The following WDR17 variants were observed in gnomAD, a reference collection of about 807,000 sequenced individuals.
WDR17 encodes WD repeat domain 17, also known as WD repeat-containing protein 17.
A neutral mutation model predicts 161.7 loss-of-function variants in WDR17; 143 were observed. That is an observed-to-expected ratio of 0.88 (90% CI 0.77 to 1.02). WDR17 has a LOEUF of 1.02. WDR17 is among the 50% of genes least tolerant of loss of function. The pLI is 0.00. For synonymous variants in WDR17, 517 were observed against 515.6 expected, an observed-to-expected ratio of 1.00 and a Z score of -0.04; for missense variants, 1,469 against 1,520.9, an observed-to-expected ratio of 0.97 and a Z score of 0.57.
At chr4:176,161,142 C>T in intron 20 of WDR17, 140 bp downstream of exon 20, 1 of 550,676 alleles carries the variant, frequency 1.8e-6, no homozygotes, top group Non-Finnish European at 3.0e-6. Flanking sequence ...TGATCCAGTT[C>T]CATACAGCAT....
chr4:176,122,950 A>G (rs563967936), intron 4 of WDR17, among the ~76,000 whole-genome samples: 1 of 152,300 alleles, frequency 6.6e-6, no homozygotes, highest in Admixed American at 6.5e-5. Context: ...TCTCCCTTTC[A>G]GCCTGAAAAG....
chr4:176,079,170 A>G (rs1243635578), intron 1 of WDR17, among the ~76,000 whole-genome samples: 1 of 152,120 alleles, frequency 6.6e-6, no homozygotes, highest in African/African-American at 2.4e-5. Flanking sequence ...CATGTCTTCC[A>G]GGCTTATCTA....
intron 18 of WDR17, among the ~76,000 whole-genome samples, chr4:176,157,523 T>C (rs1748344718): frequency 6.6e-6 from 1 of 152,194 alleles, no homozygotes; most frequent in African/African-American, 2.4e-5. Flanking sequence ...CCCAGTGCTG[T>C]AAGTCCCTGT....
chr4:176,176,216 T>G (rs191797649), intron 26 of WDR17, among the ~76,000 whole-genome samples: 1 of 152,282 alleles, frequency 6.6e-6, no homozygotes, highest in African/African-American at 2.4e-5. Context: ...AAAGAACGGT[T>G]TTTATTTGCA....
In WDR17 at chr4:176,146,137, C is replaced by T. The variant is rs1240251169; in HGVS notation, c.1672C>T (p.Leu558Phe). 1 of 1,613,430 alleles carries T rather than the reference C, an allele frequency of 6.2e-7. No homozygotes were observed. Among genetic ancestry groups the T allele is most frequent in the Admixed American group, 1.7e-5 (1 of 59,988 alleles). Residue 558 changes from leucine to phenylalanine, a missense_variant, in exon 12 of 29, where the codon CTT becomes TTT. Transcript: ENST00000508596. ...ATGGTCTCCTCTGAGAGAGGGAATT[C>T]TTTGCAGTGGTTCTGATGATGGGTA... Reference protein sequence around the residue: ...VKWSPLREGILCSGSDDGTVR... With the variant: ...VKWSPLREGIFCSGSDDGTVR...
At chr4:176,131,216 A>G (rs1277764146) in intron 6 of WDR17, among the ~76,000 whole-genome samples, 1 of 152,124 alleles carries the variant, frequency 6.6e-6, no homozygotes, top group Non-Finnish European at 1.5e-5. Context: ...GGAATAAGCT[A>G]TTATGTCAGT....
At chr4:176,142,232 T>A (rs1745392693) in intron 11 of WDR17, among the ~76,000 whole-genome samples, 163 bp downstream of exon 11, 1 of 152,244 alleles carries the variant, frequency 6.6e-6, no homozygotes, top group African/African-American at 2.4e-5. Flanking sequence ...CTCATTTATT[T>A]TAGTTATTTT....
intron 28 of WDR17, 95 bp from the exon 29 acceptor site, chr4:176,179,365 T>C (rs1053287174): frequency 1.5e-6 from 1 of 682,504 alleles, no homozygotes; most frequent in South Asian, 4.3e-5. Context: ...AAATATTATG[T>C]TTTTTTTTAT....
intron 2 of WDR17, among the ~76,000 whole-genome samples, chr4:176,113,122 A>G (rs1396572754): frequency 6.6e-6 from 1 of 151,650 alleles, no homozygotes; most frequent in Admixed American, 6.6e-5. Context: ...CAGCAGCAAG[A>G]CTTCTAAATG....
At position 176,124,965 on chromosome 4, in the gene WDR17, G is replaced by A. The variant is rs145669680; in HGVS notation, c.539-139G>A. ...CTTTCTGCATTCACATGTCAGTTAC[G>A]CCTTCTGCATATAAGCACCACATTT... On this transcript the variant is annotated intron_variant, in intron 4 of 28. Coordinates refer to ENST00000508596, the MANE Select transcript of WDR17 (RefSeq NM_181265.4). The A allele has an allele frequency of 1.1e-4, 100 of 937,528 alleles. No homozygotes were observed. In the African/African-American group the frequency reaches 1.2e-3, roughly 11 times the overall value. 58.1% of individuals were successfully genotyped at this position (937,528 alleles called of 1,614,324 possible). A position where few individuals can be genotyped will look rare whatever the true frequency, so the allele number is the denominator to read the frequency against.
intron 1 of WDR17, among the ~76,000 whole-genome samples, chr4:176,072,859 C>T (rs1037573479): frequency 1.3e-5 from 2 of 152,068 alleles, no homozygotes; most frequent in Admixed American, 1.3e-4. Context: ...TTTCACAAAA[C>T]TATCTTGAAT....
At chr4:176,097,348 G>A (rs1737051058) in intron 1 of WDR17, among the ~76,000 whole-genome samples, 1 of 151,916 alleles carries the variant, frequency 6.6e-6, no homozygotes, top group Non-Finnish European at 1.5e-5. Context: ...TTGTTCAAGG[G>A]CATAGGCTGC....
intron 1 of WDR17, among the ~76,000 whole-genome samples, chr4:176,075,780 G>C (rs1418143116): frequency 1.3e-5 from 2 of 151,868 alleles, no homozygotes; most frequent in Non-Finnish European, 2.9e-5. Flanking sequence ...AGATCAGCTT[G>C]GGCAACATAG....
intron 1 of WDR17, among the ~76,000 whole-genome samples, chr4:176,094,912 A>G (rs1365635832): frequency 6.6e-6 from 1 of 152,130 alleles, no homozygotes; most frequent in South Asian, 2.1e-4. Flanking sequence ...CTTGAAAGAG[A>G]TACATTAGGT....
chr4:176,084,140 A>G (rs992543629), intron 1 of WDR17, among the ~76,000 whole-genome samples: 1 of 151,718 alleles, frequency 6.6e-6, no homozygotes, highest in Non-Finnish European at 1.5e-5. Flanking sequence ...CAAGTGTTTT[A>G]GTCTGTTTTG....
intron 5 of WDR17, among the ~76,000 whole-genome samples, chr4:176,126,861 G>A (rs1742530381): frequency 6.6e-6 from 1 of 152,134 alleles, no homozygotes; most frequent in Non-Finnish European, 1.5e-5. Context: ...TAAGTGTCTG[G>A]CATTTCTCCT....
rs1033794074 is a variant in WDR17, at chr4:176,180,653, G to A, written c.*1074G>A. The A allele has an allele frequency of 1.3e-5, 2 of 152,188 alleles. No individual in the cohort carries two copies. The highest frequency in any genetic ancestry group is 2.9e-5 in the Non-Finnish European group (2 of 68,070). 9.4% of individuals were successfully genotyped at this position (152,188 alleles called of 1,614,324 possible). On this transcript the variant is annotated 3_prime_UTR_variant, in exon 29 of 29. Coordinates refer to ENST00000508596, the MANE Select transcript of WDR17 (RefSeq NM_181265.4). ...GAACCTGGGAGGCAGAGGTTCCAGT[G>A]AGCCAAGATCGCACCACTGCACTCC...
At chr4:176,089,475 G>C (rs931122949) in intron 1 of WDR17, among the ~76,000 whole-genome samples, 1 of 152,034 alleles carries the variant, frequency 6.6e-6, no homozygotes, top group Non-Finnish European at 1.5e-5. Flanking sequence ...AAAGATTTGT[G>C]GGTCTCTCCT....
chr4:176,089,399 A>G (rs1372031126), intron 1 of WDR17, among the ~76,000 whole-genome samples: 1 of 152,166 alleles, frequency 6.6e-6, no homozygotes, highest in Non-Finnish European at 1.5e-5. Flanking sequence ...TAATTATTTT[A>G]TAGTACCCTA....
Sources: gnomAD v4.1 joint callset for allele counts (sites outside exome capture counted in the v4.1 genomes callset) on GRCh38, gnomAD v4.1.1 for gene constraint, MANE v1.5 for transcripts, NCBI Gene and HGNC (gene_info 2026-07-23, HGNC 2026-07-21) for gene names.